The following TTN variants were observed in gnomAD, a reference collection of about 807,000 sequenced individuals.
TTN encodes connectin.
In TTN, 1,525 loss-of-function variants were observed where a neutral mutation model predicts 3,223.0. That is an observed-to-expected ratio of 0.47 (90% CI 0.45 to 0.49). TTN has a LOEUF of 0.49. TTN is among the 20% of genes least tolerant of loss of function. The probability of loss-of-function intolerance (pLI) is 0.00; values close to 1 mark genes in which losing one functional copy is unlikely to be tolerated. For missense variants in TTN, 40,786 were observed against 43,424.0 expected, an observed-to-expected ratio of 0.94 and a Z score of 5.40; for synonymous variants, 14,094 against 15,161.0, an observed-to-expected ratio of 0.93 and a Z score of 5.17.
chr2:178,609,641 A>G (rs750614855), intron 272 of TTN, 43 bp downstream of exon 272: 5 of 1,551,148 alleles, frequency 3.2e-6, no homozygotes, highest in Non-Finnish European at 4.3e-6. Flanking sequence ...ATTTTCATTT[A>G]TTTCAAAATG....
At position 178,703,700 on chromosome 2, in the gene TTN, A is replaced by G. The variant is rs367839109; in HGVS notation, c.30223+447T>C. 1.1e-4 allele frequency among the ~76,000 whole-genome samples: 16 copies of G among 152,366 alleles called. No individual in the cohort carries two copies. The South Asian group carries it at 2.7e-3, about 26-fold the overall frequency. ...AATGAAATAAATATTTTTGAAAAAT[A>G]GTTGCTAATTGCACATGACATGTTT... On this transcript the variant is annotated intron_variant, in intron 106 of 362. Coordinates refer to ENST00000589042, the MANE Select transcript of TTN (RefSeq NM_001267550.2).
At chr2:178,537,306 T>G in intron 355 of TTN, 36 bp downstream of exon 355, 2 of 1,523,060 alleles carry the variant, frequency 1.3e-6, no homozygotes, top group Non-Finnish European at 1.8e-6. Flanking sequence ...TTTTTTTCTT[T>G]AAAAATAAAA....
intron 1 of TTN, among the ~76,000 whole-genome samples, chr2:178,805,215 A>C (rs1263034099): frequency 6.6e-6 from 1 of 151,786 alleles, no homozygotes; most frequent in Non-Finnish European, 1.5e-5. Flanking sequence ...GTGGTGGCCC[A>C]TGTCTGTAGT....
In TTN at chr2:178,591,629, T is replaced by C; in HGVS notation, c.60190A>G (p.Thr20064Ala). 1 of 1,613,356 alleles carries C rather than the reference T, an allele frequency of 6.2e-7. No homozygotes were observed. Among genetic ancestry groups the C allele is most frequent in the African/African-American group, 1.3e-5 (1 of 75,006 alleles). Residue 20064 changes from threonine to alanine, a missense_variant, in exon 303 of 363, where the codon ACT (threonine) becomes GCT (alanine). Physicochemically the swap from Thr to Ala is moderately conservative, Grantham distance 58. Coordinates refer to ENST00000589042, the MANE Select transcript of TTN (RefSeq NM_001267550.2). ...NIVGLGLPDT[T>A]IPIECQEKLV... is the part of the protein sequence containing the mutation. ...TTTTCTTGACATTCTATCGGGATAG[T>C]TGTGTCAGGGAGACCAAGACCCACA...
chr2:178,669,735 C>G, intron 157 of TTN, 60 bp from the exon 158 acceptor site: 1 of 1,563,976 alleles, frequency 6.4e-7, no homozygotes, highest in Non-Finnish European at 8.8e-7. Flanking sequence ...GTAAACATAG[C>G]AAGCCTAGAA....
In TTN at chr2:178,696,117, C is replaced by T. The variant is rs2073659281; in HGVS notation, c.30955G>A (p.Glu10319Lys). 6.4e-7 allele frequency: 1 copy of T among 1,551,658 alleles called. No individual in the cohort carries two copies. The highest frequency in any genetic ancestry group is 8.7e-7 in the Non-Finnish European group (1 of 1,146,862). ...TCTACCTCCAGTTCGTCATAAGGTTCTTCGAAAGATTCAATGAAGACTCTC... is the reference window on the plus strand; with the variant it reads ...TCTACCTCCAGTTCGTCATAAGGTTTTTCGAAAGATTCAATGAAGACTCTC... Reference protein sequence around the residue: ...EKRVFIESFEEPYDELEVEPY... With the variant: ...EKRVFIESFEKPYDELEVEPY... Residue 10319 changes from glutamate (E) to lysine (K), a missense_variant, in exon 114 of 363, where the codon GAA (glutamate) becomes AAA (lysine). By Grantham distance (56) the Glu-to-Lys change is moderately conservative. Transcript: ENST00000589042.
intron 213 of TTN, among the ~76,000 whole-genome samples, chr2:178,648,282 C>T (rs2062346368): frequency 6.6e-6 from 1 of 152,114 alleles, no homozygotes; most frequent in Admixed American, 6.6e-5. Context: ...ATTCCACAGC[C>T]AATCCATACT....
Position 178,557,053 on chromosome 2 carries a change from A to G in TTN, c.88101T>C (p.Ile29367=). ...CACGTCTCTCAACAATGTAGCCTGT[A>G]ATCTTGCTACCTCCATCGAAAGCTG... ...QQPAFDGGSK[I]TGYIVERRDL... is the part of the protein sequence containing the mutation. Residue 29367 remains isoleucine (I), a synonymous_variant, in exon 330 of 363, where the codon ATT becomes ATC. Coordinates refer to ENST00000589042, the MANE Select transcript of TTN (RefSeq NM_001267550.2). 5.0e-6 allele frequency: 8 copies of G among 1,613,796 alleles called. No individual in the cohort carries two copies. Among genetic ancestry groups the G allele is most frequent in the Non-Finnish European group, 6.8e-6 (8 of 1,179,830 alleles).
rs780268944 is a variant in TTN, at chr2:178,741,617, A to T, written c.11616T>A (p.Gly3872=). 1 of 1,613,850 alleles carries T rather than the reference A, an allele frequency of 6.2e-7. No homozygotes were observed. Among genetic ancestry groups the T allele is most frequent in the Non-Finnish European group, 8.5e-7 (1 of 1,179,794 alleles). The change falls in exon 48 of 363, where the codon GGT becomes GGA. Residue 3872 remains glycine, a synonymous_variant. Coordinates refer to ENST00000589042, the MANE Select transcript of TTN (RefSeq NM_001267550.2). ...ACAGAATGATCAGGCTATGATCATC[A>T]CCGTCAAAAACAAATTTGTAGTCAG... ...PSADYKFVFD[G]DDHSLIILFT...
Position 178,597,788 on chromosome 2 carries a change from G to A in TTN, c.57294C>T (p.Val19098=). The A allele has an allele frequency of 6.2e-7, 1 of 1,613,208 alleles. No individual in the cohort carries two copies. The highest frequency in any genetic ancestry group is 8.5e-7 in the Non-Finnish European group (1 of 1,179,548). The change falls in exon 294 of 363, where the codon GTC becomes GTT. Residue 19098 remains valine (V), a synonymous_variant. Coordinates refer to ENST00000589042, the MANE Select transcript of TTN (RefSeq NM_001267550.2). ...VSPDLQLDAS[V]RDRIVVHAGG... Reference sequence around the variant, plus strand: ...CAGCATGGACAACAATTCTATCTCTGACACTGGCATCTAGCTGAAGGTCAG... The same window carrying A: ...CAGCATGGACAACAATTCTATCTCTAACACTGGCATCTAGCTGAAGGTCAG...
In TTN at chr2:178,797,874, C is replaced by CT. The variant is rs202180157; in HGVS notation, c.914+1612dup. Among the ~76,000 whole-genome samples, 32 of 150,690 alleles carry CT rather than the reference C, an allele frequency of 2.1e-4. No homozygotes were observed. The South Asian group carries it at 4.2e-3, about 20-fold the overall frequency. ...TAAATGCTTTTGCAGATTGTCTTCTCTTTTTTTTTCATTTTTTAACTATTT... is the reference window on the plus strand; with the variant it reads ...TAAATGCTTTTGCAGATTGTCTTCTCTTTTTTTTTTCATTTTTTAACTATTT... On this transcript the variant is annotated intron_variant, in intron 6 of 362. Transcript: ENST00000589042.
intron 33 of TTN, among the ~76,000 whole-genome samples, chr2:178,772,488 G>C (rs1018657158): frequency 6.6e-6 from 1 of 152,046 alleles, no homozygotes; most frequent in Non-Finnish European, 1.5e-5. Context: ...TCATTGTAAA[G>C]CTAAGAAATT....
At position 178,561,727 on chromosome 2, in the gene TTN, A is replaced by G. The variant is rs756176112; in HGVS notation, c.84405T>C (p.Tyr28135=). The change falls in exon 326 of 363, where the codon TAT becomes TAC. Residue 28135 remains tyrosine (Y), a synonymous_variant. Transcript: ENST00000589042. ...YQFRVCAENR[Y]GKSSYSESSA... is the part of the protein sequence containing the mutation. ...AAGATTCACTGTAGGAGCTCTTTCC[A>G]TAGCGGTTTTCTGCACAAACACGGA... 6.2e-6 allele frequency: 10 copies of G among 1,612,142 alleles called. No homozygotes were observed. The highest frequency in any genetic ancestry group is 2.2e-5 in the East Asian group (1 of 44,768).
chr2:178,598,956 C>T lies in TTN; in HGVS notation c.56754G>A (p.Gly18918=). The part of the protein sequence containing the change: ...PEYDGGSPVT[G]YWLEMKDTTS... ...TGGTGTCTTTCATTTCCAGCCAGTA[C>T]CCTGTCACAGGAGAGCCTCCATCAT... Residue 18918 remains glycine (G), a synonymous_variant, in exon 291 of 363, where the codon GGG becomes GGA. Transcript: ENST00000589042. The T allele has an allele frequency of 1.9e-6, 3 of 1,612,718 alleles. No homozygotes were observed. Among genetic ancestry groups the T allele is most frequent in the Non-Finnish European group, 2.5e-6 (3 of 1,179,464 alleles).
Position 178,534,224 on chromosome 2 carries a change from C to T in TTN, c.102391G>A (p.Ala34131Thr). The part of the protein sequence containing the change: ...KGVSVAKVKV[A>T]SIEIGPVSGQ... The stretch of plus-strand genomic sequence containing the variant: ...GAAACTGGGCCAATTTCAATGGATG[C>T]CACTTTAACTTTAGCAACACTCACT... Residue 34131 changes from alanine to threonine, a missense_variant, in exon 358 of 363, where the codon GCA (alanine) becomes ACA (threonine). Transcript: ENST00000589042. 2 of 1,613,940 alleles carry T rather than the reference C, an allele frequency of 1.2e-6. No individual in the cohort carries two copies. Among genetic ancestry groups the T allele is most frequent in the Non-Finnish European group, 1.7e-6 (2 of 1,179,858 alleles).
intron 43 of TTN, among the ~76,000 whole-genome samples, chr2:178,763,970 T>A (rs776443698): frequency 9.2e-5 from 14 of 152,226 alleles, no homozygotes; most frequent in Non-Finnish European, 1.8e-4. Flanking sequence ...TAACATAACA[T>A]AAACAACCAT....
At chr2:178,727,960 G>A in intron 67 of TTN, 97 bp from the exon 68 acceptor site, 1 of 1,422,460 alleles carries the variant, frequency 7.0e-7, no homozygotes, top group Non-Finnish European at 9.3e-7. Flanking sequence ...TTGGAAAGAG[G>A]CAATGGCTGA....
intron 155 of TTN, 73 bp from the exon 156 acceptor site, chr2:178,671,243 A>T: frequency 9.6e-7 from 1 of 1,044,824 alleles, no homozygotes; most frequent in Admixed American, 3.4e-5. Flanking sequence ...TAACGTTAGT[A>T]CAATGAGGGG....
Position 178,575,588 on chromosome 2 carries a change from T to C in TTN, c.70544A>G (p.Tyr23515Cys). The C allele has an allele frequency of 8.1e-6, 13 of 1,613,680 alleles. No homozygotes were observed. The highest frequency in any genetic ancestry group is 1.1e-5 in the Non-Finnish European group (13 of 1,179,660). The change falls in exon 326 of 363, where the codon TAT becomes TGT. Residue 23515 changes from tyrosine to cysteine, a missense_variant. Coordinates refer to ENST00000589042, the MANE Select transcript of TTN (RefSeq NM_001267550.2). This position sits in a 1 kb window ranked among gnomAD's most constrained non-coding sequence, Gnocchi z 4.0. Reference sequence around the variant, plus strand: ...AGTTTCTGTTGGCTCACCAATTCCATATTCATTCTCTGCCATCACTCTGAA... The same window carrying C: ...AGTTTCTGTTGGCTCACCAATTCCACATTCATTCTCTGCCATCACTCTGAA... ...YFFRVMAENE[Y>C]GIGEPTETTE...
Sources: gnomAD v4.1 joint callset for allele counts (sites outside exome capture counted in the v4.1 genomes callset) on GRCh38, gnomAD v4.1.1 for gene constraint, Gnocchi (gnomAD v3.1) non-coding constraint, MANE v1.5 for transcripts, NCBI Gene and HGNC (gene_info 2026-07-23, HGNC 2026-07-21) for gene names.